The following LUZP1 variants were observed in gnomAD, a reference collection of about 807,000 sequenced individuals.
LUZP1 encodes the protein filamin mechanobinding actin cross-linking protein.
A neutral mutation model predicts 71.3 loss-of-function variants in LUZP1; 25 were observed. The ratio of observed to expected loss-of-function variants is 0.35; its 90% CI spans 0.26 to 0.49. LUZP1 has a LOEUF of 0.49. Ranked by LOEUF, LUZP1 falls within the 20% of genes least tolerant of loss-of-function variation. LUZP1 has a pLI of 0.99. For synonymous variants in LUZP1, 481 were observed against 506.4 expected (o/e 0.95, Z 0.67); for missense variants, 1,142 against 1,300.8 (o/e 0.88, Z 1.88).
intron 2 of LUZP1, among the ~76,000 whole-genome samples, chr1:23,120,092 G>T (rs1442495065): frequency 6.6e-6 from 1 of 151,978 alleles, no homozygotes; most frequent in African/African-American, 2.4e-5. Flanking sequence ...ACAGGGATGT[G>T]TCACCACAAC....
At chr1:23,084,727 G>A (rs1183132682) in exon 5 of LUZP1, 1 of 63,106 alleles carries the variant, frequency 1.6e-5, no homozygotes, top group Non-Finnish European at 4.6e-5. Context: ...AACGGAGAAG[G>A]CTTTTCCCCC....
chr1:23,114,142 A>T (rs1211333600), intron 2 of LUZP1, among the ~76,000 whole-genome samples: 2 of 152,208 alleles, frequency 1.3e-5, no homozygotes, highest in Admixed American at 6.5e-5. Flanking sequence ...AACCACCCTC[A>T]GACCCTTTAC....
chr1:23,113,665 A>T (rs1290381968), intron 2 of LUZP1, among the ~76,000 whole-genome samples: 1 of 152,102 alleles, frequency 6.6e-6, no homozygotes, highest in African/African-American at 2.4e-5. Flanking sequence ...GCGGATCACG[A>T]GATCAGGAGA....
intron 2 of LUZP1, among the ~76,000 whole-genome samples, chr1:23,110,635 T>TACACACACAC (rs1553137224): frequency 3.8e-4 from 16 of 41,926 alleles, no homozygotes; most frequent in African/African-American, 1.0e-3. Context: ...CGCGCACACA[T>TACACACACAC]ACACACACAC....
chr1:23,125,863 A>C (rs1644168333), intron 2 of LUZP1, among the ~76,000 whole-genome samples: 1 of 152,132 alleles, frequency 6.6e-6, no homozygotes, highest in South Asian at 2.1e-4. Context: ...GCCTACTAAG[A>C]CTGGGTTGAA....
chr1:23,172,779 T>G (rs1644559696), intron 1 of LUZP1, among the ~76,000 whole-genome samples: 1 of 151,768 alleles, frequency 6.6e-6, no homozygotes, highest in Non-Finnish European at 1.5e-5. Context: ...CCTCCCAAAG[T>G]GCTGGGATTG....
At chr1:23,157,328 T>C (rs1313044675) in intron 2 of LUZP1, among the ~76,000 whole-genome samples, 1 of 152,094 alleles carries the variant, frequency 6.6e-6, no homozygotes, top group African/African-American at 2.4e-5. Context: ...TGAGACCCTG[T>C]CTCAATAAAA....
intron 2 of LUZP1, among the ~76,000 whole-genome samples, chr1:23,157,603 C>A (rs1644430019): frequency 6.6e-6 from 1 of 152,080 alleles, no homozygotes; most frequent in Admixed American, 6.6e-5. Flanking sequence ...CCAGCCTGGA[C>A]AACACAGTGA....
intron 3 of LUZP1, among the ~76,000 whole-genome samples, chr1:23,107,033 C>T (rs527328815): frequency 3.9e-5 from 6 of 152,370 alleles, no homozygotes; most frequent in African/African-American, 7.2e-5. Context: ...TCCAGCCACA[C>T]GGCCTCCTTA....
At chr1:23,124,971 T>A (rs1263129148) in intron 2 of LUZP1, among the ~76,000 whole-genome samples, 1 of 152,204 alleles carries the variant, frequency 6.6e-6, no homozygotes, top group Admixed American at 6.5e-5. Context: ...GTGTTGAGCT[T>A]GCCCAGGTTT....
chr1:23,093,818 G>T lies in LUZP1; in HGVS notation c.444C>A (p.Thr148=). 6.2e-7 allele frequency: 1 copy of T among 1,613,912 alleles called. No homozygotes were observed. Among genetic ancestry groups the T allele is most frequent in the East Asian group, 2.2e-5 (1 of 44,882 alleles). ...TTTCCAGCTCAGAGGAGATTTTCTT[G>T]GTCAGATTTCTCTCCTCATTCAGGC... The change falls in exon 4 of 5, where the codon ACC becomes ACA. Residue 148 remains threonine (T), a synonymous_variant. Coordinates refer to ENST00000302291, the Ensembl canonical transcript of LUZP1. The surrounding 1 kb of genome is among the most constrained non-coding windows in gnomAD (Gnocchi z 4.2).
intron 1 of LUZP1, among the ~76,000 whole-genome samples, chr1:23,176,788 A>G (rs1644584533): frequency 6.6e-6 from 1 of 152,228 alleles, no homozygotes; most frequent in Non-Finnish European, 1.5e-5. Context: ...TTGCAGAAAT[A>G]TTCTCAAGAG....
At chr1:23,173,066 C>T (rs1006700878) in intron 1 of LUZP1, among the ~76,000 whole-genome samples, 1 of 150,910 alleles carries the variant, frequency 6.6e-6, no homozygotes, top group Non-Finnish European at 1.5e-5. Flanking sequence ...CATGATCCGC[C>T]CACCTCAGCC....
chr1:23,083,866 G>A (rs1284800889), downstream of LUZP1, among the ~76,000 whole-genome samples: 1 of 152,132 alleles, frequency 6.6e-6, no homozygotes, highest in African/African-American at 2.4e-5. Context: ...AGATAAGGTA[G>A]GGGGGCCGGT....
chr1:23,128,242 T>C (rs986868255), intron 2 of LUZP1, among the ~76,000 whole-genome samples: 1 of 152,148 alleles, frequency 6.6e-6, no homozygotes, highest in African/African-American at 2.4e-5. Flanking sequence ...CTGGGTTTAT[T>C]CCAAAATGGA....
At chr1:23,120,119 G>A (rs1202792907) in intron 2 of LUZP1, among the ~76,000 whole-genome samples, 1 of 151,892 alleles carries the variant, frequency 6.6e-6, no homozygotes, top group African/African-American at 2.4e-5. Context: ...AGTTTTGTAA[G>A]TTTTGTAGAG....
chr1:23,117,472 TCTCTCC>T (rs1644090178), intron 2 of LUZP1, among the ~76,000 whole-genome samples: 1 of 32,116 alleles, frequency 3.1e-5, no homozygotes, highest in Non-Finnish European at 4.9e-5. Context: ...TCTCTCTCTC[TCTCTCC>T]CCCCCCCCCC....
intron 2 of LUZP1, among the ~76,000 whole-genome samples, chr1:23,116,250 G>C (rs1331080027): frequency 6.6e-6 from 1 of 152,152 alleles, no homozygotes; most frequent in Non-Finnish European, 1.5e-5. Flanking sequence ...GTGTGGTGGC[G>C]TATGCCTGTA....
Position 23,088,773 on chromosome 1 carries a change from C to T in LUZP1, c.*122G>A, listed in dbSNP as rs112030773. The T allele has an allele frequency of 6.3e-5, 88 of 1,390,572 alleles. No homozygotes were observed. The African/African-American group carries it at 8.9e-4, about 14-fold the overall frequency. The allele number at this position is 1,390,572 out of a possible 1,614,324, so 86.1% of individuals were successfully genotyped here. A position where few individuals can be genotyped will look rare whatever the true frequency, so the allele number is the denominator to read the frequency against. ...TACCTGAGCCACAGCCCGGCTCTAC[C>T]ACAGTTTTCCAGCCAAGGCTTGTGT... On this transcript the variant is annotated 3_prime_UTR_variant, in exon 5 of 5. Transcript: ENST00000302291.
Sources: allele counts gnomAD v4.1 joint callset (sites outside exome capture counted in the v4.1 genomes callset), GRCh38; gene constraint gnomAD v4.1.1; non-coding constraint Gnocchi (gnomAD v3.1); transcripts MANE v1.5; gene names NCBI Gene and HGNC (gene_info 2026-07-23, HGNC 2026-07-21).